Variants in SORCS3 observed in about 807,000 individuals in gnomAD.
SORCS3 encodes the protein sortilin related VPS10 domain containing receptor 3, also known as VPS10 domain-containing receptor SorCS3.
SORCS3 carries 57 observed loss-of-function variants against 146.3 expected under a neutral mutation model. The ratio of observed to expected loss-of-function variants is 0.39; its 90% confidence interval spans 0.31 to 0.49. The LOEUF (loss-of-function observed/expected upper bound fraction) is 0.49. Ranked by LOEUF, SORCS3 falls within the 20% of genes least tolerant of loss-of-function variation. SORCS3 has a pLI of 0.92. For synonymous variants in SORCS3, 653 were observed against 618.5 expected (o/e 1.06, Z -0.83); for missense variants, 1,341 against 1,575.5 (o/e 0.85, Z 2.52).
At chr10:104,714,411 G>C (rs2016453894) in intron 1 of SORCS3, among the ~76,000 whole-genome samples, 1 of 151,710 alleles carries the variant, frequency 6.6e-6, no homozygotes, top group Non-Finnish European at 1.5e-5. Context: ...TTTCCTGTTA[G>C]GCACTACTTT....
intron 1 of SORCS3, among the ~76,000 whole-genome samples, chr10:104,800,266 C>T (rs1330915804): frequency 2.0e-5 from 3 of 151,456 alleles, no homozygotes. Context: ...ATATGTAAAA[C>T]ATTCTGGAAA....
chr10:105,168,104 G>A (rs887238904), intron 13 of SORCS3, among the ~76,000 whole-genome samples: 3 of 151,846 alleles, frequency 2.0e-5, no homozygotes, highest in Non-Finnish European at 1.5e-5. Flanking sequence ...AGCAATAAAG[G>A]AGGTTTTTCA....
intron 4 of SORCS3, among the ~76,000 whole-genome samples, chr10:105,031,332 AACACACACACACACAC>A (rs371026666): frequency 2.6e-5 from 3 of 113,556 alleles, no homozygotes; most frequent in African/African-American, 5.9e-5. Context: ...CACACACACA[AACACACACACACACAC>A]ACACACACAC....
chr10:104,850,674 C>G (rs916105399), intron 2 of SORCS3, among the ~76,000 whole-genome samples: 5 of 152,196 alleles, frequency 3.3e-5, no homozygotes, highest in Admixed American at 2.6e-4. Context: ...GTTCTAGGCC[C>G]ACCTCTGTTA....
intron 1 of SORCS3, among the ~76,000 whole-genome samples, chr10:104,814,633 C>T (rs1455610633): frequency 6.6e-6 from 1 of 152,158 alleles, no homozygotes; most frequent in African/African-American, 2.4e-5. Flanking sequence ...CTCACGCTTT[C>T]CCAGACACTC....
rs1356767915 is a variant in SORCS3, at chr10:104,902,658, A to G, written c.696-13175A>G. On this transcript the variant is annotated intron_variant, in intron 2 of 26. Transcript: ENST00000369701. ...TCTTGTGAAGTCATTGTTATTTTCCAGAGGAGAAACAGGGAATGGTGGTAA... is the reference window on the plus strand; with the variant it reads ...TCTTGTGAAGTCATTGTTATTTTCCGGAGGAGAAACAGGGAATGGTGGTAA... Among the ~76,000 whole-genome samples, 3 of 152,234 alleles carry G rather than the reference A, an allele frequency of 2.0e-5. No homozygotes were observed. The South Asian group carries it at 6.2e-4, about 31-fold the overall frequency.
chr10:104,803,370 C>G (rs12264719), intron 1 of SORCS3, among the ~76,000 whole-genome samples: 4,954 of 152,168 alleles, frequency 0.033, 262 homozygotes, highest in African/African-American at 0.11. Flanking sequence ...CTTTCTGATT[C>G]TGCTGTGAGG....
At chr10:105,242,504 A>ATATATT (rs2056834549) in intron 20 of SORCS3, among the ~76,000 whole-genome samples, 2 of 87,328 alleles carry the variant, frequency 2.3e-5, no homozygotes, top group African/African-American at 9.4e-5. Context: ...ATATATATTT[A>ATATATT]TATATATTTA....
At chr10:105,192,057 C>CAG (rs5787567) in intron 14 of SORCS3, among the ~76,000 whole-genome samples, 51,070 of 151,694 alleles carry the variant, frequency 0.34, 8,694 homozygotes, top group South Asian at 0.48. Flanking sequence ...TAAAAAACTT[C>CAG]AGTTTTTTAT....
chr10:104,918,964 T>C (rs756357726), intron 3 of SORCS3, among the ~76,000 whole-genome samples: 3 of 152,200 alleles, frequency 2.0e-5, no homozygotes, highest in Non-Finnish European at 4.4e-5. Flanking sequence ...ATAATGATGT[T>C]TCTTTTTGTC....
chr10:104,721,963 C>A (rs1357416992), intron 1 of SORCS3, among the ~76,000 whole-genome samples: 1 of 152,246 alleles, frequency 6.6e-6, no homozygotes, highest in Non-Finnish European at 1.5e-5. Context: ...ATTGAATACC[C>A]TTTATTTCCT....
rs79919312 is a variant in SORCS3 at position 105,034,199 on chromosome 10, C to T, written c.955-8856C>T. Among the ~76,000 whole-genome samples, 309 of 152,102 alleles carry T rather than the reference C, an allele frequency of 2.0e-3. 1 individual carries two copies. The highest frequency in any genetic ancestry group is 7.2e-3 in the African/African-American group (300 of 41,500). On this transcript the variant is annotated intron_variant, in intron 4 of 26. Transcript: ENST00000369701. ...GGTGCTGTCTGGGGTGGGAAGTGACCAAAGAGGACTTCCCTTAGGAAGTGT... is the reference window on the plus strand; with the variant it reads ...GGTGCTGTCTGGGGTGGGAAGTGACTAAAGAGGACTTCCCTTAGGAAGTGT...
At chr10:104,959,521 C>G (rs906738737) in intron 3 of SORCS3, among the ~76,000 whole-genome samples, 1 of 152,158 alleles carries the variant, frequency 6.6e-6, no homozygotes, top group Non-Finnish European at 1.5e-5. Flanking sequence ...GACTTTCCAG[C>G]CTCCAGAGCT....
intron 14 of SORCS3, among the ~76,000 whole-genome samples, chr10:105,181,158 A>G (rs2056440308): frequency 6.6e-6 from 1 of 152,204 alleles, no homozygotes; most frequent in Admixed American, 6.5e-5. Flanking sequence ...AACAGTATAT[A>G]TGTACTGGAT....
At chr10:105,165,716 TA>T (rs891753178) in intron 12 of SORCS3, among the ~76,000 whole-genome samples, 6 of 151,980 alleles carry the variant, frequency 3.9e-5, no homozygotes, top group Non-Finnish European at 8.8e-5. Flanking sequence ...ACTCATCTGG[TA>T]AAAAAAATCT....
intron 2 of SORCS3, among the ~76,000 whole-genome samples, chr10:104,845,696 T>G (rs540800831): frequency 1.8e-4 from 28 of 151,624 alleles, no homozygotes; most frequent in African/African-American, 5.8e-4. Context: ...GGGAGAAGAG[T>G]GATTTAGAAT....
intron 2 of SORCS3, among the ~76,000 whole-genome samples, chr10:104,875,828 A>G (rs1336110812): frequency 1.3e-5 from 2 of 152,178 alleles, no homozygotes; most frequent in South Asian, 2.1e-4. Flanking sequence ...GGCTAGTGCA[A>G]AGCTTCACAA....
intron 1 of SORCS3, among the ~76,000 whole-genome samples, chr10:104,691,011 C>T (rs1317697442): frequency 2.6e-5 from 4 of 152,194 alleles, no homozygotes; most frequent in African/African-American, 7.2e-5. Flanking sequence ...CAGGCTCAGA[C>T]CATTGCATAC....
intron 1 of SORCS3, among the ~76,000 whole-genome samples, chr10:104,657,927 T>G (rs2015652901): frequency 6.6e-6 from 1 of 152,242 alleles, no homozygotes; most frequent in Admixed American, 6.5e-5. Context: ...TTAATGGAAG[T>G]TGCAGGGAGA....
Sources: gnomAD v4.1 joint callset for allele counts (sites outside exome capture counted in the v4.1 genomes callset) on GRCh38, gnomAD v4.1.1 for gene constraint, MANE v1.5 for transcripts, NCBI Gene and HGNC (gene_info 2026-07-23, HGNC 2026-07-21) for gene names.